Variants in UBE2D2 observed in about 807,000 individuals in gnomAD.
The protein encoded by UBE2D2 is ubiquitin-conjugating enzyme E2 D2.
UBE2D2 carries 2 observed loss-of-function variants against 24.2 expected under a neutral mutation model. That is an observed-to-expected ratio of 0.08 (90% CI 0.03 to 0.26). The LOEUF is 0.26. Ranked by LOEUF, UBE2D2 falls within the 10% of genes least tolerant of loss-of-function variation. The pLI, the probability that UBE2D2 is intolerant of heterozygous loss-of-function variation, is 1.00. For missense variants in UBE2D2, 44 were observed against 177.6 expected (o/e 0.25, Z 4.28); for synonymous variants, 58 against 56.5 (o/e 1.03, Z -0.12).
chr5:139,536,951 G>T (rs1035852294), intron 1 of UBE2D2, among the ~76,000 whole-genome samples: 3 of 152,100 alleles, frequency 2.0e-5, no homozygotes, highest in Non-Finnish European at 2.9e-5. Context: ...AGGCCAAGGC[G>T]GGCGGAACAC....
At chr5:139,545,057 G>T (rs1752807814) in intron 1 of UBE2D2, among the ~76,000 whole-genome samples, 3 of 152,092 alleles carry the variant, frequency 2.0e-5, no homozygotes, top group African/African-American at 7.2e-5. Flanking sequence ...GGGATTTCAG[G>T]CGTGAGCCAC....
chr5:139,614,783 T>G lies in UBE2D2; in HGVS notation c.198+9T>G. 1 of 1,613,598 alleles carries G rather than the reference T, an allele frequency of 6.2e-7. No individual in the cohort carries two copies. Among genetic ancestry groups the G allele is most frequent in the Non-Finnish European group, 8.5e-7 (1 of 1,179,624 alleles). On this transcript the variant is annotated intron_variant, in intron 4 of 6. Transcript: ENST00000398733. ...CCTTCAAACCACCTAAGGTAATTAA[T>G]TGGAATGTGGCAGTTTTTAATGTAC...
chr5:139,581,253 C>G (rs1753596754), intron 1 of UBE2D2, among the ~76,000 whole-genome samples: 1 of 152,060 alleles, frequency 6.6e-6, no homozygotes, highest in East Asian at 1.9e-4. Context: ...TTGAGACCAG[C>G]CTGGCCAAGA....
At chr5:139,601,698 C>T (rs1754081463) in intron 2 of UBE2D2, among the ~76,000 whole-genome samples, 1 of 151,746 alleles carries the variant, frequency 6.6e-6, no homozygotes, top group African/African-American at 2.4e-5. Flanking sequence ...ATCACGAGGT[C>T]AGAGTTTGAG....
chr5:139,584,518 T>TTTTTC (rs1377000841), intron 1 of UBE2D2, among the ~76,000 whole-genome samples: 1 of 143,808 alleles, frequency 7.0e-6, no homozygotes, highest in Non-Finnish European at 1.5e-5. Flanking sequence ...ACCTTTTTCT[T>TTTTTC]TTTTCTTTTC....
chr5:139,601,492 G>A (rs770445958), intron 2 of UBE2D2, among the ~76,000 whole-genome samples: 4 of 152,064 alleles, frequency 2.6e-5, no homozygotes, highest in African/African-American at 7.2e-5. Context: ...CTGGTAGTCC[G>A]AGCTACTTGG....
chr5:139,573,610 T>C (rs1046038277), intron 1 of UBE2D2, among the ~76,000 whole-genome samples: 1 of 152,092 alleles, frequency 6.6e-6, no homozygotes, highest in Admixed American at 6.6e-5. Flanking sequence ...GTTCTTTGCT[T>C]GTGTTTATTT....
At position 139,627,653 on chromosome 5, in the gene UBE2D2, A is replaced by AT. The variant is rs1754660661; in HGVS notation, c.*853dup. On this transcript the variant is annotated 3_prime_UTR_variant, in exon 7 of 7. Coordinates refer to ENST00000398733, the MANE Select transcript of UBE2D2 (RefSeq NM_003339.3). ...GAGCTTGTACTTTCAAGAATGATTA[A>AT]TCTGTGTAATAAACTGGTTACTACA... The AT allele has an allele frequency of 6.6e-6, 1 of 152,664 alleles. No homozygotes were observed. Among genetic ancestry groups the AT allele is most frequent in the South Asian group, 2.1e-4 (1 of 4,830 alleles). 9.5% of individuals were successfully genotyped at this position (152,664 alleles called of 1,614,324 possible).
chr5:139,570,363 G>A (rs1753325160), intron 1 of UBE2D2, among the ~76,000 whole-genome samples: 1 of 152,006 alleles, frequency 6.6e-6, no homozygotes, highest in Non-Finnish European at 1.5e-5. Flanking sequence ...CCCCGAAACG[G>A]AGTCTCTACC....
At chr5:139,550,784 C>T (rs780593645) in intron 1 of UBE2D2, among the ~76,000 whole-genome samples, 1 of 151,978 alleles carries the variant, frequency 6.6e-6, no homozygotes, top group Non-Finnish European at 1.5e-5. Flanking sequence ...AGCTTCACTC[C>T]TGAAGCCAGT....
intron 1 of UBE2D2, among the ~76,000 whole-genome samples, chr5:139,550,647 C>G (rs536204904): frequency 1.3e-5 from 2 of 151,970 alleles, no homozygotes; most frequent in African/African-American, 4.8e-5. Context: ...AGTTTATGAG[C>G]TGTAACACTC....
intron 1 of UBE2D2, among the ~76,000 whole-genome samples, chr5:139,599,087 G>A (rs1020985047): frequency 6.6e-6 from 1 of 151,302 alleles, no homozygotes; most frequent in African/African-American, 2.4e-5. Context: ...CACCCACTAC[G>A]CTCGGCTAAT....
At chr5:139,580,061 AGTT>A (rs1370473738) in intron 1 of UBE2D2, among the ~76,000 whole-genome samples, 1 of 151,272 alleles carries the variant, frequency 6.6e-6, no homozygotes, top group Non-Finnish European at 1.5e-5. Context: ...AAAAAAAAAA[AGTT>A]GTTCCCATAG....
intron 2 of UBE2D2, among the ~76,000 whole-genome samples, chr5:139,612,957 T>C (rs1012263220): frequency 6.6e-6 from 1 of 152,148 alleles, no homozygotes; most frequent in Non-Finnish European, 1.5e-5. Flanking sequence ...ACAAGGGGCT[T>C]TTTATAGGAC....
In UBE2D2 at chr5:139,534,070, C is replaced by T. The variant is rs566990869; in HGVS notation, c.-64+7458C>T. On this transcript the variant is annotated intron_variant, in intron 1 of 6. Transcript: ENST00000511725. ...TGCTGGGATTACAGGCGTGAGCCAC[C>T]GCGCCTGGCAAAAAAAACATTTTTT... 3.0e-3 allele frequency among the ~76,000 whole-genome samples: 462 copies of T among 151,510 alleles called. 4 individuals are homozygous for T. The highest frequency in any genetic ancestry group is 9.2e-3 in the African/African-American group (381 of 41,396).
At chr5:139,553,105 C>T (rs1299873332) in intron 1 of UBE2D2, among the ~76,000 whole-genome samples, 1 of 152,182 alleles carries the variant, frequency 6.6e-6, no homozygotes, top group Non-Finnish European at 1.5e-5. Context: ...AGGCATAAGC[C>T]ACCGCTCCTG....
upstream of UBE2D2, among the ~76,000 whole-genome samples, chr5:139,557,346 G>T (rs796675605): frequency 6.6e-6 from 1 of 151,862 alleles, no homozygotes; most frequent in Non-Finnish European, 1.5e-5. Context: ...TGTTGGCCAG[G>T]TCAGTCTTGA....
intron 2 of UBE2D2, among the ~76,000 whole-genome samples, chr5:139,605,244 A>T (rs1049051297): frequency 6.6e-6 from 1 of 151,976 alleles, no homozygotes. Flanking sequence ...GTACTAGTAA[A>T]TTTTTTTTCA....
At chr5:139,530,038 G>A (rs1038578131) in intron 1 of UBE2D2, among the ~76,000 whole-genome samples, 1 of 152,186 alleles carries the variant, frequency 6.6e-6, no homozygotes, top group South Asian at 2.1e-4. Context: ...TTATTGGACA[G>A]TATTGCATAG....
Sources: gnomAD v4.1 joint callset for allele counts (sites outside exome capture counted in the v4.1 genomes callset) on GRCh38, gnomAD v4.1.1 for gene constraint, MANE v1.5 for transcripts, NCBI Gene and HGNC (gene_info 2026-07-23, HGNC 2026-07-21) for gene names.